CPNE4: variants seen among roughly 807,000 people sequenced by gnomAD.
CPNE4 encodes copine 4.
CPNE4 carries 25 observed loss-of-function variants against 67.9 expected under a neutral mutation model. The ratio of observed to expected loss-of-function variants is 0.37; its 90% CI spans 0.27 to 0.51. The LOEUF (loss-of-function observed/expected upper bound fraction) is 0.51. CPNE4 is among the 20% of genes least tolerant of loss of function. The pLI is 0.93. For synonymous variants in CPNE4, 242 were observed against 244.9 expected (o/e 0.99, Z 0.11); for missense variants, 464 against 690.8 (o/e 0.67, Z 3.68).
intron 2 of CPNE4, among the ~76,000 whole-genome samples, chr3:131,887,898 A>G (rs1237486567): frequency 6.7e-6 from 1 of 149,974 alleles, no homozygotes; most frequent in Non-Finnish European, 1.5e-5. Flanking sequence ...TCTTCTTATT[A>G]AGAAGGAGGG....
Position 131,814,020 on chromosome 3 carries a change from T to C in CPNE4, c.181-90395A>G, listed in dbSNP as rs530663993. 5.9e-5 allele frequency among the ~76,000 whole-genome samples: 9 copies of C among 152,330 alleles called. No individual in the cohort carries two copies. In the South Asian group the frequency reaches 1.9e-3, roughly 32 times the overall value. ...TCTAGGTAAAGGCATCAATTTTATA[T>C]GGTATAGGATCCAGTAGAGATTTGC... On this transcript the variant is annotated intron_variant, in intron 2 of 15. Transcript: ENST00000429747.
chr3:131,792,685 GTGTATATATACATATACACACACGTGTA>G (rs2083784315), intron 2 of CPNE4, among the ~76,000 whole-genome samples: 3 of 42,934 alleles, frequency 7.0e-5, no homozygotes, highest in African/African-American at 2.1e-4. Context: ...ATATACACAC[GTGTATATATACATATACACACACGTGTA>G]TATATGTATA....
At chr3:132,033,750 T>C (rs1007212929) in intron 1 of CPNE4, among the ~76,000 whole-genome samples, 2 of 152,246 alleles carry the variant, frequency 1.3e-5, no homozygotes, top group Non-Finnish European at 2.9e-5. Context: ...GGGTTTAGCC[T>C]GCTCCTCACC....
In CPNE4 at chr3:131,725,331, A is replaced by AGTG. The variant is rs1471529042; in HGVS notation, c.181-1707_181-1706insCAC. ...CCTTTAAGGAACACTACCTGCCATT[A>AGTG]TTGGTTGGATGGACAATCCGGGTTG... is the stretch of plus-strand genomic sequence containing the variant. On this transcript the variant is annotated intron_variant, in intron 2 of 15. Coordinates refer to ENST00000429747, the MANE Select transcript of CPNE4 (RefSeq NM_130808.3). 5.9e-5 allele frequency among the ~76,000 whole-genome samples: 9 copies of AGTG among 152,282 alleles called. No individual in the cohort carries two copies. In the East Asian group the frequency reaches 1.7e-3, roughly 29 times the overall value.
intron 1 of CPNE4, among the ~76,000 whole-genome samples, chr3:131,971,530 T>G (rs6779229): frequency 0.065 from 9,889 of 152,244 alleles, 1,006 homozygotes; most frequent in African/African-American, 0.22. Context: ...CAAAAAGTAA[T>G]TCCTTTACAA....
intron 2 of CPNE4, among the ~76,000 whole-genome samples, chr3:131,777,850 T>G (rs919825665): frequency 2.0e-5 from 3 of 152,062 alleles, no homozygotes; most frequent in Non-Finnish European, 4.4e-5. Flanking sequence ...TGGAGATCTC[T>G]TGAGCAGGCC....
In CPNE4 at chr3:131,564,321, C is replaced by G; in HGVS notation, c.956G>C (p.Gly319Ala). 5 of 1,612,278 alleles carry G rather than the reference C, an allele frequency of 3.1e-6. No individual in the cohort carries two copies. The highest frequency in any genetic ancestry group is 4.2e-6 in the Non-Finnish European group (5 of 1,179,140). ...TVAIDFTASN[G>A]DPRNSCSLHY... ...CAAGGAACAGCTGTTCCTGGGGTCC[C>G]CGTTTGAGGCAGTGAAATCTATAGC... The change falls in exon 11 of 16, where the codon GGG (glycine) becomes GCG (alanine). Residue 319 changes from glycine (G) to alanine (A), a missense_variant. By Grantham distance (60) the Gly-to-Ala change is moderately conservative. Around this residue, in one of 6 missense-constraint regions of CPNE4, gnomAD observed 201 missense variants for 357.7 expected, o/e 0.56. Transcript: ENST00000429747.
chr3:131,884,928 A>G (rs2087820750), intron 2 of CPNE4, among the ~76,000 whole-genome samples: 1 of 152,192 alleles, frequency 6.6e-6, no homozygotes, highest in Non-Finnish European at 1.5e-5. Context: ...AGTCTCTGGT[A>G]TGTCTTTATC....
At chr3:131,957,392 A>G (rs768375525) in intron 1 of CPNE4, among the ~76,000 whole-genome samples, 13 of 152,232 alleles carry the variant, frequency 8.5e-5, no homozygotes, top group Non-Finnish European at 1.3e-4. Flanking sequence ...GGTACCCAGT[A>G]AGGAGATGCT....
chr3:131,554,452 T>C lies in CPNE4; in HGVS notation c.1116+1045A>G, dbSNP rs187319140. ...TTGATAACTCTTGTTCTATATTCTTTCTCTCCACAAGCTGTATTTCTAATA... is the reference window on the plus strand; with the variant it reads ...TTGATAACTCTTGTTCTATATTCTTCCTCTCCACAAGCTGTATTTCTAATA... On this transcript the variant is annotated intron_variant, in intron 12 of 15. Transcript: ENST00000429747. Among the ~76,000 whole-genome samples the C allele has an allele frequency of 6.6e-5, 10 of 152,184 alleles. No individual in the cohort carries two copies. In the East Asian group the frequency reaches 1.9e-3, roughly 29 times the overall value.
At chr3:131,941,016 T>G (rs1583484293) in intron 1 of CPNE4, among the ~76,000 whole-genome samples, 1 of 152,072 alleles carries the variant, frequency 6.6e-6, no homozygotes, top group Non-Finnish European at 1.5e-5. Flanking sequence ...GGAAACAAAA[T>G]GAAGATTTAC....
chr3:132,001,052 G>GT (rs1251211177), intron 1 of CPNE4, among the ~76,000 whole-genome samples: 2 of 151,966 alleles, frequency 1.3e-5, no homozygotes, highest in Non-Finnish European at 2.9e-5. Flanking sequence ...AAACAAAGTT[G>GT]TTTAAGTTGT....
At chr3:131,668,258 T>C (rs960383875) in intron 7 of CPNE4, among the ~76,000 whole-genome samples, 2 of 152,186 alleles carry the variant, frequency 1.3e-5, no homozygotes, top group African/African-American at 4.8e-5. Context: ...GATTCTAACC[T>C]GACAGATCAT....
At chr3:131,752,509 A>G (rs1284605203) in intron 2 of CPNE4, among the ~76,000 whole-genome samples, 3 of 152,114 alleles carry the variant, frequency 2.0e-5, no homozygotes, top group Non-Finnish European at 4.4e-5. Context: ...ATGAAGAGAA[A>G]TCACCACTAT....
At chr3:131,717,938 CTTTCT>C (rs1461644771) in intron 3 of CPNE4, among the ~76,000 whole-genome samples, 6 of 129,766 alleles carry the variant, frequency 4.6e-5, no homozygotes, top group South Asian at 5.1e-4. Flanking sequence ...TTCTTTCTTT[CTTTCT>C]TTTCTTTCTT....
At chr3:131,992,610 G>A (rs1390918592) in intron 1 of CPNE4, among the ~76,000 whole-genome samples, 1 of 135,866 alleles carries the variant, frequency 7.4e-6, no homozygotes, top group Non-Finnish European at 1.7e-5. Context: ...AAGACATGGG[G>A]GACTGTTGGA....
chr3:131,543,225 G>A (rs1935624254), intron 14 of CPNE4: 1 of 158,470 alleles, frequency 6.3e-6, no homozygotes, highest in African/African-American at 2.4e-5. Flanking sequence ...CCAATACAAT[G>A]ATGACTAACC....
At chr3:131,889,813 G>C (rs1295894901) in intron 2 of CPNE4, among the ~76,000 whole-genome samples, 1 of 152,114 alleles carries the variant, frequency 6.6e-6, no homozygotes, top group Non-Finnish European at 1.5e-5. Flanking sequence ...GCTGATCTTC[G>C]ATAAGGGTGC....
intron 5 of CPNE4, among the ~76,000 whole-genome samples, chr3:131,691,089 C>T (rs751979689): frequency 3.9e-5 from 6 of 152,104 alleles, no homozygotes; most frequent in Non-Finnish European, 4.4e-5. Context: ...AAAGGAAACA[C>T]TTATATACTG....
Sources: gnomAD v4.1 joint callset for allele counts (sites outside exome capture counted in the v4.1 genomes callset) on GRCh38, gnomAD v4.1.1 for gene constraint, gnomAD v4.1.1 regional missense constraint, MANE v1.5 for transcripts, NCBI Gene and HGNC (gene_info 2026-07-23, HGNC 2026-07-21) for gene names.